The following FAM47C variants were observed in gnomAD, a reference collection of about 807,000 sequenced individuals.
FAM47C encodes the protein putative protein FAM47C.
For synonymous variants in FAM47C, 307 were observed against 346.5 expected, an observed-to-expected ratio of 0.89 and a Z score of 1.27; for missense variants, 847 against 879.9, an observed-to-expected ratio of 0.96 and a Z score of 0.47.
At position 37,008,532 on chromosome X, in the gene FAM47C, C is replaced by T. The variant is rs1556331305; in HGVS notation, c.122C>T (p.Pro41Leu). The change falls in exon 1 of 1, where the codon CCG becomes CTG. Residue 41 changes from proline (P) to leucine (L), a missense_variant. Physicochemically the swap from Pro to Leu is moderately conservative, Grantham distance 98. Transcript: ENST00000358047. Reference sequence around the variant, plus strand: ...CGCAAGCACAGGCGCCTGAGGTTCCCGCCTGTGGACACCCAGAACTGGGTA... The same window carrying T: ...CGCAAGCACAGGCGCCTGAGGTTCCTGCCTGTGGACACCCAGAACTGGGTA... ...AKRKHRRLRF[P>L]PVDTQNWVFV... 2.5e-6 allele frequency: 3 copies of T among 1,212,501 alleles called. No homozygotes were observed. Among genetic ancestry groups the T allele is most frequent in the Admixed American group, 2.2e-5 (1 of 46,171 alleles).
chrX:37,008,995 G>A lies in FAM47C; in HGVS notation c.585G>A (p.Val195=). 2.5e-6 allele frequency: 3 copies of A among 1,211,909 alleles called. No homozygotes were observed. The highest frequency in any genetic ancestry group is 3.4e-6 in the Non-Finnish European group (3 of 895,480). ...EFSPRPPETR[V]SCLPPEPPKT... ...CCCCTCGGCCTCCCGAGACTCGGGT[G>A]TCCTGTCTCCCCCCGGAGCCTCCCA... Residue 195 remains valine (V), a synonymous_variant, in exon 1 of 1, where the codon GTG becomes GTA. Coordinates refer to ENST00000358047, the MANE Select transcript of FAM47C (RefSeq NM_001013736.3).
At position 37,008,842 on chromosome X, in the gene FAM47C, T is replaced by G. The variant is rs781850092; in HGVS notation, c.432T>G (p.Asp144Glu). 26 of 1,209,806 alleles carry G rather than the reference T, an allele frequency of 2.1e-5. No individual in the cohort carries two copies. The highest frequency in any genetic ancestry group is 2.5e-5 in the Non-Finnish European group (22 of 895,156). The change falls in exon 1 of 1, where the codon GAT becomes GAG. Residue 144 changes from aspartate to glutamate, a missense_variant. Coordinates refer to ENST00000358047, the MANE Select transcript of FAM47C (RefSeq NM_001013736.3). ...YPNLGEDMPP[D>E]LLLQVLKPLD... ...ATCTGGGAGAAGATATGCCTCCAGA[T>G]CTCCTACTACAGGTACTGAAACCGC...
Position 37,008,650 on chromosome X carries a change from A to T in FAM47C, c.240A>T (p.Lys80Asn), listed in dbSNP as rs782218896. 5.9e-5 allele frequency: 71 copies of T among 1,210,398 alleles called. No individual in the cohort carries two copies. Among genetic ancestry groups the T allele is most frequent in the Middle Eastern group, 4.6e-4 (2 of 4,374 alleles). The change falls in exon 1 of 1, where the codon AAA becomes AAT. Residue 80 changes from lysine to asparagine, a missense_variant. Lys to Asn is a moderately conservative substitution (Grantham distance 94). Coordinates refer to ENST00000358047, the MANE Select transcript of FAM47C (RefSeq NM_001013736.3). ...VCRRDEFLLPKISLRGPQADP... is the reference protein window; with the variant it reads ...VCRRDEFLLPNISLRGPQADP... ...GCCGTGACGAGTTTTTACTCCCCAA[A>T]ATATCTCTCAGAGGTCCCCAAGCTG...
In FAM47C at chrX:37,010,794, G is replaced by A; in HGVS notation, c.2384G>A (p.Arg795Gln). The A allele has an allele frequency of 8.3e-7, 1 of 1,210,221 alleles. No individual in the cohort carries two copies. Among genetic ancestry groups the A allele is most frequent in the South Asian group, 1.8e-5 (1 of 56,867 alleles). Reference protein sequence around the residue: ...SLHLEPPKTRRVSSLRLEPPK... With the variant: ...SLHLEPPKTRQVSSLRLEPPK... ...CACCTGGAGCCTCCCAAGACTCGTCGAGTGTCCAGTCTCCGCCTGGAGCCT... is the reference window on the plus strand; with the variant it reads ...CACCTGGAGCCTCCCAAGACTCGTCAAGTGTCCAGTCTCCGCCTGGAGCCT... The change falls in exon 1 of 1, where the codon CGA becomes CAA. Residue 795 changes from arginine (R) to glutamine (Q), a missense_variant. Coordinates refer to ENST00000358047, the MANE Select transcript of FAM47C (RefSeq NM_001013736.3).
Position 37,010,295 on chromosome X carries a change from C to A in FAM47C, c.1885C>A (p.His629Asn). The A allele has an allele frequency of 8.4e-7, 1 of 1,187,952 alleles. No individual in the cohort carries two copies. The highest frequency in any genetic ancestry group is 1.1e-6 in the Non-Finnish European group (1 of 888,194). ...AGAGCCTCCTGAGACTGGAGTGTCC[C>A]ATCTCCGCCCAGAGCCTCCCAAGAC... ...RPEPPETGVS[H>N]LRPEPPKTRM... The change falls in exon 1 of 1, where the codon CAT (histidine) becomes AAT (asparagine). Residue 629 changes from histidine (H) to asparagine (N), a missense_variant. Transcript: ENST00000358047.
In FAM47C at chrX:37,010,898, G is replaced by C; in HGVS notation, c.2488G>C (p.Glu830Gln). ...GTCCCATCTAAAAGAACTGTTTCAGGAAGGTACATCAAGCACAATGGAGTG... is the reference window on the plus strand; with the variant it reads ...GTCCCATCTAAAAGAACTGTTTCAGCAAGGTACATCAAGCACAATGGAGTG... Reference protein sequence around the residue: ...GASHLKELFQEGTSSTMECVS... With the variant: ...GASHLKELFQQGTSSTMECVS... Residue 830 changes from glutamate (E) to glutamine (Q), a missense_variant, in exon 1 of 1, where the codon GAA becomes CAA. Glu to Gln is a conservative substitution (Grantham distance 29). Coordinates refer to ENST00000358047, the MANE Select transcript of FAM47C (RefSeq NM_001013736.3). The C allele has an allele frequency of 5.8e-6, 7 of 1,212,083 alleles. No individual in the cohort carries two copies. The highest frequency in any genetic ancestry group is 6.7e-6 in the Non-Finnish European group (6 of 895,620).
In FAM47C at chrX:37,008,763, T is replaced by A. The variant is rs148624854; in HGVS notation, c.353T>A (p.Val118Glu). 2.3e-4 allele frequency: 279 copies of A among 1,209,721 alleles called. No individual in the cohort carries two copies. Among genetic ancestry groups the A allele is most frequent in the Non-Finnish European group, 3.0e-4 (267 of 895,037 alleles). Residue 118 changes from valine to glutamate, a missense_variant, in exon 1 of 1, where the codon GTA becomes GAA. Transcript: ENST00000358047. ...SPAQPARKAFVEEVEAQLMTK... is the reference protein window; with the variant it reads ...SPAQPARKAFEEEVEAQLMTK... ...GCACAGCCAGCACGGAAGGCGTTCG[T>A]AGAGGAAGTGGAAGCCCAGCTGATG...
Position 37,011,250 on chromosome X carries a change from T to G in FAM47C, c.2840T>G (p.Leu947Trp), listed in dbSNP as rs782191586. The change falls in exon 1 of 1, where the codon TTG becomes TGG. Residue 947 changes from leucine (L) to tryptophan (W), a missense_variant. By Grantham distance (61) the Leu-to-Trp change is moderately conservative. Transcript: ENST00000358047. Reference protein sequence around the residue: ...GYGAWYLKPKLGKKLRSDEPL... With the variant: ...GYGAWYLKPKWGKKLRSDEPL... Reference sequence around the variant, plus strand: ...GGAGCATGGTACCTCAAGCCTAAGTTGGGGAAAAAGCTAAGAAGTGATGAA... The same window carrying G: ...GGAGCATGGTACCTCAAGCCTAAGTGGGGGAAAAAGCTAAGAAGTGATGAA... 5.8e-6 allele frequency: 7 copies of G among 1,209,016 alleles called. No individual in the cohort carries two copies. The East Asian group carries it at 2.1e-4, about 36-fold the overall frequency.
rs149671724 is a variant in FAM47C, at chrX:37,009,495, G to A, written c.1085G>A (p.Arg362His). The change falls in exon 1 of 1, where the codon CGC (arginine) becomes CAC (histidine). Residue 362 changes from arginine (R) to histidine (H), a missense_variant. Transcript: ENST00000358047. ...SHLCPEPPET[R>H]VSPLRQLPPE... ...CTCTGCCCGGAACCTCCAGAGACTC[G>A]CGTATCTCCTCTCCGCCAGCTGCCT... 530 of 1,199,907 alleles carry A rather than the reference G, an allele frequency of 4.4e-4. 1 individual carries two copies. The highest frequency in any genetic ancestry group is 5.7e-4 in the Non-Finnish European group (506 of 891,797).
In FAM47C at chrX:37,008,768, G is replaced by A. The variant is rs782238628; in HGVS notation, c.358G>A (p.Glu120Lys). Reference protein sequence around the residue: ...AQPARKAFVEEVEAQLMTKHP... With the variant: ...AQPARKAFVEKVEAQLMTKHP... ...GCCAGCACGGAAGGCGTTCGTAGAG[G>A]AAGTGGAAGCCCAGCTGATGACCAA... The change falls in exon 1 of 1, where the codon GAA (glutamate) becomes AAA (lysine). Residue 120 changes from glutamate (E) to lysine (K), a missense_variant. Glu to Lys is a moderately conservative substitution (Grantham distance 56). Coordinates refer to ENST00000358047, the MANE Select transcript of FAM47C (RefSeq NM_001013736.3). The A allele has an allele frequency of 8.3e-7, 1 of 1,209,943 alleles. No individual in the cohort carries two copies. The highest frequency in any genetic ancestry group is 1.7e-5 in the African/African-American group (1 of 57,217).
rs142884749 is a variant in FAM47C, at chrX:37,009,203, A to T, written c.793A>T (p.Thr265Ser). 1 of 1,206,954 alleles carries T rather than the reference A, an allele frequency of 8.3e-7. No individual in the cohort carries two copies. Among genetic ancestry groups the T allele is most frequent in the African/African-American group, 1.8e-5 (1 of 56,029 alleles). Residue 265 changes from threonine (T) to serine (S), a missense_variant, in exon 1 of 1, where the codon ACT becomes TCT. Transcript: ENST00000358047. ...VSSLHLEPPETGVSHLYLEPP... is the reference protein window; with the variant it reads ...VSSLHLEPPESGVSHLYLEPP... The stretch of plus-strand genomic sequence containing the variant: ...CAGTCTCCACCTGGAGCCTCCCGAG[A>T]CTGGAGTGTCCCATCTCTACCTGGA...
In FAM47C at chrX:37,011,462, G is replaced by T. The variant is rs373819113; in HGVS notation, c.3052G>T (p.Ala1018Ser). The T allele has an allele frequency of 2.5e-6, 3 of 1,208,063 alleles. No individual in the cohort carries two copies. The highest frequency in any genetic ancestry group is 2.2e-5 in the Admixed American group (1 of 45,364). The change falls in exon 1 of 1, where the codon GCA becomes TCA. Residue 1018 changes from alanine (A) to serine (S), a missense_variant. By Grantham distance (99) the Ala-to-Ser change is moderately conservative (BLOSUM62 1). Transcript: ENST00000358047. ...YDSVKTPIQR[A>S]MQVYKYKEDV... ...CTCTGTTAAGACTCCTATTCAACGT[G>T]CAATGCAAGTTTACAAGTACAAAGA...
In FAM47C at chrX:37,009,764, C is replaced by A; in HGVS notation, c.1354C>A (p.Pro452Thr). The change falls in exon 1 of 1, where the codon CCA becomes ACA. Residue 452 changes from proline to threonine, a missense_variant. Coordinates refer to ENST00000358047, the MANE Select transcript of FAM47C (RefSeq NM_001013736.3). ...PPETGVSHLRPEPPKTRVSSL... is the reference protein window; with the variant it reads ...PPETGVSHLRTEPPKTRVSSL... ...TGAGACTGGAGTGTCCCATCTCCGC[C>A]CAGAGCCTCCCAAGACTCGGGTGTC... 8.3e-7 allele frequency: 1 copy of A among 1,207,764 alleles called. No homozygotes were observed. The highest frequency in any genetic ancestry group is 1.1e-6 in the Non-Finnish European group (1 of 893,833).
chrX:37,010,353 A>T lies in FAM47C; in HGVS notation c.1943A>T (p.Asn648Ile), dbSNP rs782282029. 8.5e-7 allele frequency: 1 copy of T among 1,182,213 alleles called. No individual in the cohort carries two copies. Among genetic ancestry groups the T allele is most frequent in the Admixed American group, 2.4e-5 (1 of 42,443 alleles). ...RMYSLRPEPPNTGVSHLCPEP... is the reference protein window; with the variant it reads ...RMYSLRPEPPITGVSHLCPEP... ...TACAGTCTCCGCCCGGAGCCTCCCA[A>T]TACTGGAGTGTCCCATCTCTGCCCA... Residue 648 changes from asparagine to isoleucine, a missense_variant, in exon 1 of 1, where the codon AAT becomes ATT. Asn to Ile is a moderately radical substitution (Grantham distance 149, BLOSUM62 -3). Transcript: ENST00000358047.
Position 37,011,447 on chromosome X carries a change from A to C in FAM47C, c.3037A>C (p.Thr1013Pro). The change falls in exon 1 of 1, where the codon ACT (threonine) becomes CCT (proline). Residue 1013 changes from threonine (T) to proline (P), a missense_variant. Coordinates refer to ENST00000358047, the MANE Select transcript of FAM47C (RefSeq NM_001013736.3). ...GGGATGGACTTATGACTCTGTTAAG[A>C]CTCCTATTCAACGTGCAATGCAAGT... ...RRGWTYDSVK[T>P]PIQRAMQVYK... 2.5e-6 allele frequency: 3 copies of C among 1,209,029 alleles called. No homozygotes were observed. In the Admixed American group the frequency reaches 6.6e-5, roughly 27 times the overall value.
Position 37,009,698 on chromosome X carries a change from C to A in FAM47C, c.1288C>A (p.Pro430Thr). ...KIGVSHLCLEPPKTRGSHLRP... is the reference protein window; with the variant it reads ...KIGVSHLCLETPKTRGSHLRP... ...TGGAGTGTCCCATCTCTGCCTGGAG[C>A]CTCCCAAGACTCGCGGATCTCATCT... Residue 430 changes from proline (P) to threonine (T), a missense_variant, in exon 1 of 1, where the codon CCT becomes ACT. Transcript: ENST00000358047. 8.3e-7 allele frequency: 1 copy of A among 1,209,901 alleles called. No homozygotes were observed. Among genetic ancestry groups the A allele is most frequent in the Non-Finnish European group, 1.1e-6 (1 of 894,804 alleles).
Position 37,009,280 on chromosome X carries a change from C to G in FAM47C, c.870C>G (p.Arg290=). The G allele has an allele frequency of 1.7e-6, 2 of 1,207,581 alleles. No homozygotes were observed. Among genetic ancestry groups the G allele is most frequent in the African/African-American group, 1.8e-5 (1 of 56,430 alleles). ...TCTGCCCAGAGCCTCCCAAGACTCG[C>G]GTATCTCATCTCCATCGGGAGCCTC... ...SHLCPEPPKT[R]VSHLHREPPE... The change falls in exon 1 of 1, where the codon CGC becomes CGG. Residue 290 remains arginine, a synonymous_variant. Coordinates refer to ENST00000358047, the MANE Select transcript of FAM47C (RefSeq NM_001013736.3).
chrX:37,010,085 C>T lies in FAM47C; in HGVS notation c.1675C>T (p.Arg559Cys), dbSNP rs782568130. The change falls in exon 1 of 1, where the codon CGC becomes TGC. Residue 559 changes from arginine (R) to cysteine (C), a missense_variant. Arg to Cys is a radical substitution (Grantham distance 180, BLOSUM62 -3). Transcript: ENST00000358047. ...TCCTGAGACTGGAGTGTCCCATCTC[C>T]GCCCAGAGCCTCCCAAGACTCGGAT... ...EPPETGVSHL[R>C]PEPPKTRMYS... The T allele has an allele frequency of 4.0e-5, 48 of 1,185,922 alleles. No individual in the cohort carries two copies. The Admixed American group carries it at 8.5e-4, about 21-fold the overall frequency.
chrX:37,011,533 A>G lies in FAM47C; in HGVS notation c.*15A>G. ...AAGAAGATTAGATGGTTTTGAATTT[A>G]CTAGTTAATTGGGTATTTCTTGCTC... is the stretch of plus-strand genomic sequence containing the variant. On this transcript the variant is annotated 3_prime_UTR_variant, in exon 1 of 1. Coordinates refer to ENST00000358047, the MANE Select transcript of FAM47C (RefSeq NM_001013736.3). 8.8e-7 allele frequency: 1 copy of G among 1,140,489 alleles called. No individual in the cohort carries two copies. Among genetic ancestry groups the G allele is most frequent in the East Asian group, 3.0e-5 (1 of 33,295 alleles). The allele number at this position is 1,140,489 out of a possible 1,213,427, so 94.0% of individuals were successfully genotyped here. A position where few individuals can be genotyped will look rare whatever the true frequency, so the allele number is the denominator to read the frequency against.
Sources: allele counts gnomAD v4.1 joint callset, GRCh38; gene constraint gnomAD v4.1.1; transcripts MANE v1.5; gene names NCBI Gene and HGNC (gene_info 2026-07-23, HGNC 2026-07-21).